Variants in NCAM2 observed in about 807,000 individuals in gnomAD.
NCAM2 encodes neural cell adhesion molecule 2, also known as N-CAM-2.
In NCAM2, 30 loss-of-function variants were observed where a neutral mutation model predicts 98.1. The ratio of observed to expected loss-of-function variants is 0.31; its 90% CI spans 0.23 to 0.41. The LOEUF (loss-of-function observed/expected upper bound fraction) is 0.41, where lower values mean the gene tolerates loss of function less well. Ranked by LOEUF, NCAM2 falls within the 10% of genes least tolerant of loss-of-function variation. The probability of loss-of-function intolerance (pLI) is 1.00; values close to 1 mark genes in which losing one functional copy is unlikely to be tolerated. For missense variants in NCAM2, 867 were observed against 1,005.8 expected (o/e 0.86, Z 1.87); for synonymous variants, 368 against 342.4 (o/e 1.07, Z -0.83).
At chr21:21,230,758 C>G (rs1241561500) in intron 1 of NCAM2, among the ~76,000 whole-genome samples, 1 of 151,308 alleles carries the variant, frequency 6.6e-6, no homozygotes, top group Non-Finnish European at 1.5e-5. Context: ...ACCACACTTT[C>G]ATGAGTATTC....
chr21:21,318,954 A>T (rs1416059261), intron 5 of NCAM2, among the ~76,000 whole-genome samples: 1 of 152,172 alleles, frequency 6.6e-6, no homozygotes, highest in Non-Finnish European at 1.5e-5. Flanking sequence ...AAATATTGAA[A>T]TATTAATCAA....
chr21:21,085,847 TTACA>T (rs1569007256), intron 1 of NCAM2, among the ~76,000 whole-genome samples: 1 of 152,238 alleles, frequency 6.6e-6, no homozygotes, highest in East Asian at 1.9e-4. Flanking sequence ...TTCAAAAATG[TTACA>T]TAAGTAGAGT....
intron 5 of NCAM2, among the ~76,000 whole-genome samples, chr21:21,314,703 G>C (rs79868848): frequency 0.018 from 2,720 of 151,856 alleles, 92 homozygotes; most frequent in East Asian, 0.15. Context: ...ACTTCCATTT[G>C]TAATTCTTTA....
At chr21:21,128,610 A>G (rs2066874837) in intron 1 of NCAM2, among the ~76,000 whole-genome samples, 1 of 152,192 alleles carries the variant, frequency 6.6e-6, no homozygotes, top group Non-Finnish European at 1.5e-5. Flanking sequence ...GTGTCGAATA[A>G]TGATTTATTG....
At chr21:21,375,169 T>TA (rs544371668) in intron 9 of NCAM2, among the ~76,000 whole-genome samples, 254 of 138,272 alleles carry the variant, frequency 1.8e-3, no homozygotes, top group Non-Finnish European at 3.4e-3. Flanking sequence ...ATAATAATAA[T>TA]AAAAAGGAAA....
intron 1 of NCAM2, among the ~76,000 whole-genome samples, chr21:21,229,880 A>G (rs534623970): frequency 1.8e-4 from 27 of 151,480 alleles, no homozygotes; most frequent in Non-Finnish European, 3.3e-4. Flanking sequence ...AGCTTCTCTG[A>G]ACTGTAAATT....
At chr21:21,357,498 T>G (rs1381549442) in intron 8 of NCAM2, among the ~76,000 whole-genome samples, 1 of 152,130 alleles carries the variant, frequency 6.6e-6, no homozygotes, top group Non-Finnish European at 1.5e-5. Flanking sequence ...ATTTAAAATA[T>G]GGAGCCTGTA....
intron 15 of NCAM2, among the ~76,000 whole-genome samples, chr21:21,479,057 T>A (rs749348242): frequency 5.9e-5 from 9 of 152,108 alleles, no homozygotes; most frequent in Non-Finnish European, 8.8e-5. Flanking sequence ...AGCCAGAGCC[T>A]CCTCCAAAGG....
At chr21:21,280,719 C>G in intron 2 of NCAM2, 67 bp downstream of exon 2, 1 of 979,258 alleles carries the variant, frequency 1.0e-6, no homozygotes, top group South Asian at 1.7e-5. Context: ...AATGTGTTGG[C>G]TAAATTTAAC....
intron 1 of NCAM2, among the ~76,000 whole-genome samples, chr21:21,036,074 C>T (rs933083420): frequency 1.3e-5 from 2 of 151,982 alleles, no homozygotes; most frequent in African/African-American, 4.8e-5. Context: ...TAAGGGCCCT[C>T]GATAGCGCTC....
At chr21:21,136,667 C>T (rs921174616) in intron 1 of NCAM2, among the ~76,000 whole-genome samples, 36 of 138,112 alleles carry the variant, frequency 2.6e-4, no homozygotes, top group Non-Finnish European at 4.6e-4. Context: ...GGGGTTTCAC[C>T]GTTCTGCCCA....
intron 1 of NCAM2, among the ~76,000 whole-genome samples, chr21:21,128,028 T>G (rs972912510): frequency 1.3e-5 from 2 of 152,094 alleles, no homozygotes; most frequent in Non-Finnish European, 2.9e-5. Context: ...CATTTTCCCT[T>G]TGTATTTTTT....
intron 9 of NCAM2, among the ~76,000 whole-genome samples, chr21:21,404,465 G>A (rs1269415321): frequency 6.6e-6 from 1 of 152,046 alleles, no homozygotes; most frequent in Non-Finnish European, 1.5e-5. Flanking sequence ...CTGCAGCCAG[G>A]GAAGATGTGC....
intron 15 of NCAM2, among the ~76,000 whole-genome samples, chr21:21,479,449 T>C (rs998823936): frequency 6.6e-6 from 1 of 150,670 alleles, no homozygotes; most frequent in Non-Finnish European, 1.5e-5. Flanking sequence ...CCGGGCGTGG[T>C]GGTGGACGCC....
intron 1 of NCAM2, among the ~76,000 whole-genome samples, chr21:21,160,125 A>T (rs1186756018): frequency 6.6e-6 from 1 of 152,090 alleles, no homozygotes; most frequent in East Asian, 1.9e-4. Flanking sequence ...TGTACCGTGT[A>T]AATTTTCTGG....
chr21:21,283,723 A>G (rs897343617), intron 2 of NCAM2, among the ~76,000 whole-genome samples: 2 of 151,902 alleles, frequency 1.3e-5, no homozygotes, highest in African/African-American at 2.4e-5. Flanking sequence ...AAAGATTTAC[A>G]TTTTTGTAAG....
At chr21:21,311,111 C>G (rs550337384) in intron 5 of NCAM2, among the ~76,000 whole-genome samples, 1 of 152,272 alleles carries the variant, frequency 6.6e-6, no homozygotes, top group African/African-American at 2.4e-5. Context: ...TTTGTCTACA[C>G]AAACATATCA....
intron 9 of NCAM2, among the ~76,000 whole-genome samples, chr21:21,388,528 A>G (rs1343351435): frequency 6.6e-6 from 1 of 152,176 alleles, no homozygotes; most frequent in African/African-American, 2.4e-5. Context: ...GAGGCCATGA[A>G]GTTAACAAGC....
intron 16 of NCAM2, among the ~76,000 whole-genome samples, chr21:21,512,522 C>T (rs1162211575): frequency 6.6e-6 from 1 of 152,044 alleles, no homozygotes; most frequent in Non-Finnish European, 1.5e-5. Context: ...TAGGTAATGT[C>T]ATTCCTTCAC....
Sources: gnomAD v4.1 joint callset for allele counts (sites outside exome capture counted in the v4.1 genomes callset) on GRCh38, gnomAD v4.1.1 for gene constraint, MANE v1.5 for transcripts, NCBI Gene and HGNC (gene_info 2026-07-23, HGNC 2026-07-21) for gene names.